The following PTPRM variants were observed in gnomAD, a reference collection of about 807,000 sequenced individuals.
The protein encoded by PTPRM is receptor-type tyrosine-protein phosphatase mu.
In PTPRM, 47 loss-of-function variants were observed where a neutral mutation model predicts 186.7. The observed-to-expected ratio is 0.25, with a 90% CI of 0.20 to 0.32. The LOEUF (loss-of-function observed/expected upper bound fraction) is 0.32, where lower values mean the gene tolerates loss of function less well. PTPRM is among the 10% of genes least tolerant of loss of function. PTPRM has a pLI of 1.00. For missense variants in PTPRM, 1,494 were observed against 1,865.0 expected (o/e 0.80, Z 3.66); for synonymous variants, 668 against 674.9 (o/e 0.99, Z 0.16).
intron 7 of PTPRM, among the ~76,000 whole-genome samples, chr18:7,988,215 C>T (rs2083074115): frequency 6.6e-6 from 1 of 151,434 alleles, no homozygotes; most frequent in African/African-American, 2.4e-5. Context: ...TGAGCTAGAC[C>T]TTATCTCAAA....
chr18:7,791,444 G>C (rs2043340540), intron 2 of PTPRM, among the ~76,000 whole-genome samples: 1 of 152,086 alleles, frequency 6.6e-6, no homozygotes, highest in African/African-American at 2.4e-5. Flanking sequence ...TGGTTGGGTT[G>C]GGAGCTTGTT....
At chr18:7,641,574 C>G (rs1288171776) in intron 1 of PTPRM, among the ~76,000 whole-genome samples, 1 of 152,192 alleles carries the variant, frequency 6.6e-6, no homozygotes, top group Non-Finnish European at 1.5e-5. Flanking sequence ...GCATGAATCC[C>G]AAGAAGTGGG....
intron 24 of PTPRM, among the ~76,000 whole-genome samples, chr18:8,371,585 A>G (rs2095662893): frequency 6.6e-6 from 1 of 152,130 alleles, no homozygotes; most frequent in Non-Finnish European, 1.5e-5. Context: ...GCATTCATTC[A>G]TGCTCACTCC....
chr18:7,717,985 G>T (rs1157630551), intron 1 of PTPRM, among the ~76,000 whole-genome samples: 1 of 151,810 alleles, frequency 6.6e-6, no homozygotes, highest in Non-Finnish European at 1.5e-5. Flanking sequence ...AGGCACCCCT[G>T]TTGAGAGTCT....
intron 19 of PTPRM, among the ~76,000 whole-genome samples, chr18:8,262,234 T>A (rs1042729776): frequency 6.6e-6 from 1 of 151,872 alleles, no homozygotes; most frequent in African/African-American, 2.4e-5. Flanking sequence ...ATCGGAAGAG[T>A]CCCCTGACTT....
intron 25 of PTPRM, 102 bp from the exon 26 acceptor site, chr18:8,376,360 T>C (rs1449122487): frequency 6.4e-7 from 1 of 1,572,292 alleles, no homozygotes; most frequent in African/African-American, 1.4e-5. Flanking sequence ...TTAAGAGGTT[T>C]AATTTTATAT....
rs202244854 is a variant in PTPRM, at chr18:7,888,245, G to A, written c.336G>A (p.Gly112=). The A allele has an allele frequency of 6.2e-7, 1 of 1,614,088 alleles. No individual in the cohort carries two copies. The highest frequency in any genetic ancestry group is 2.2e-5 in the East Asian group (1 of 44,880). ...FVSSKSNSPP[G]LLNVYVKVNN... is the part of the protein sequence containing the mutation. ...CCAGCAAGAGTAATTCTCCTCCGGG[G>A]TTACTCAATGTCTACGTGAAGGTCA... The change falls in exon 3 of 33, where the codon GGG becomes GGA. Residue 112 remains glycine (G), a synonymous_variant. Coordinates refer to ENST00000580170, the MANE Select transcript of PTPRM (RefSeq NM_001105244.2).
intron 2 of PTPRM, among the ~76,000 whole-genome samples, chr18:7,836,428 C>T (rs769321160): frequency 2.1e-4 from 32 of 152,078 alleles, no homozygotes; most frequent in Non-Finnish European, 3.2e-4. Context: ...TCTTCTTGCA[C>T]TATGTCTTGA....
rs1012217658 is a variant in PTPRM, at chr18:7,850,485, A to G, written c.197-37621A>G. ...CTTTTCCCATTCAGGCATTTGCTGA[A>G]TTAAAAGTCTCATCTGGGAAGCTGA... On this transcript the variant is annotated intron_variant, in intron 2 of 32. Transcript: ENST00000580170. Among the ~76,000 whole-genome samples, 18 of 152,232 alleles carry G rather than the reference A, an allele frequency of 1.2e-4. 1 individual carries two copies. Among genetic ancestry groups the G allele is most frequent in the African/African-American group, 4.3e-4 (18 of 41,468 alleles).
chr18:8,382,623 C>T (rs893005513), intron 29 of PTPRM, among the ~76,000 whole-genome samples: 4 of 152,192 alleles, frequency 2.6e-5, no homozygotes, highest in African/African-American at 4.8e-5. Flanking sequence ...TTTTAAAATA[C>T]TGTCAGCATA....
chr18:8,216,483 A>ATCATC (rs2094088230), intron 14 of PTPRM, among the ~76,000 whole-genome samples: 1 of 152,260 alleles, frequency 6.6e-6, no homozygotes, highest in Non-Finnish European at 1.5e-5. Context: ...CTGTAAGGCG[A>ATCATC]AGAAAACACA....
chr18:7,598,228 A>G (rs573585182), intron 1 of PTPRM, among the ~76,000 whole-genome samples: 1 of 152,358 alleles, frequency 6.6e-6, no homozygotes, highest in East Asian at 1.9e-4. Context: ...TTGGTTTCCT[A>G]AAACTCAAAA....
At chr18:7,577,715 G>T (rs2036725157) in intron 1 of PTPRM, among the ~76,000 whole-genome samples, 1 of 152,124 alleles carries the variant, frequency 6.6e-6, no homozygotes, top group Non-Finnish European at 1.5e-5. Flanking sequence ...ACCAAATGTG[G>T]TGTAAAATTT....
intron 1 of PTPRM, among the ~76,000 whole-genome samples, chr18:7,638,851 A>AT (rs2038378946): frequency 6.6e-6 from 1 of 152,172 alleles, no homozygotes; most frequent in Non-Finnish European, 1.5e-5. Context: ...TTTTGATTTA[A>AT]TTACTTGGTG....
chr18:8,323,755 C>T (rs755139919), intron 22 of PTPRM, among the ~76,000 whole-genome samples: 2 of 152,200 alleles, frequency 1.3e-5, no homozygotes, highest in South Asian at 2.1e-4. Flanking sequence ...CCCATGCCCA[C>T]GTGAGAACAG....
intron 23 of PTPRM, among the ~76,000 whole-genome samples, chr18:8,345,005 G>C (rs77324671): frequency 0.012 from 1,778 of 152,204 alleles, 24 homozygotes; most frequent in Middle Eastern, 0.02. Flanking sequence ...TAGGATCTGT[G>C]GGGGTAAAGC....
chr18:7,689,495 A>G (rs529994970), intron 1 of PTPRM, among the ~76,000 whole-genome samples: 2 of 152,178 alleles, frequency 1.3e-5, no homozygotes, highest in Non-Finnish European at 2.9e-5. Flanking sequence ...ATACTCCACA[A>G]ATGCTTTTAA....
intron 1 of PTPRM, among the ~76,000 whole-genome samples, chr18:7,756,572 G>A (rs908520855): frequency 3.9e-5 from 6 of 152,144 alleles, no homozygotes; most frequent in Non-Finnish European, 1.5e-5. Context: ...ATTCAAGGAT[G>A]ACATCTAATG....
At chr18:7,632,409 G>A (rs1363094521) in intron 1 of PTPRM, among the ~76,000 whole-genome samples, 1 of 152,192 alleles carries the variant, frequency 6.6e-6, no homozygotes, top group Admixed American at 6.5e-5. Context: ...TGGAACTTGC[G>A]TTTAATTCCA....
Sources: gnomAD v4.1 joint callset for allele counts (sites outside exome capture counted in the v4.1 genomes callset) on GRCh38, gnomAD v4.1.1 for gene constraint, MANE v1.5 for transcripts, NCBI Gene and HGNC (gene_info 2026-07-23, HGNC 2026-07-21) for gene names.